The following LRRC4C variants were observed in gnomAD, a reference collection of about 807,000 sequenced individuals.
The protein encoded by LRRC4C is leucine rich repeat containing 4C.
In LRRC4C, 5 loss-of-function variants were observed where a neutral mutation model predicts 33.6. That is an observed-to-expected ratio of 0.15 (90% CI 0.08 to 0.31). LRRC4C has a LOEUF of 0.31. Among genes scored for constraint, LRRC4C ranks in the 10% least tolerant of loss-of-function variants. The pLI is 1.00. For synonymous variants in LRRC4C, 329 were observed against 302.0 expected, an observed-to-expected ratio of 1.09 and a Z score of -0.93; for missense variants, 560 against 796.7, an observed-to-expected ratio of 0.70 and a Z score of 3.58.
At position 40,478,409 on chromosome 11, in the gene LRRC4C, A is replaced by C. The variant is rs566612515; in HGVS notation, c.-269-158688T>G. 2.0e-5 allele frequency among the ~76,000 whole-genome samples: 3 copies of C among 152,316 alleles called. No homozygotes were observed. The East Asian group carries it at 5.8e-4, about 29-fold the overall frequency. On this transcript the variant is annotated intron_variant, in intron 3 of 6. Coordinates refer to ENST00000528697, the MANE Select transcript of LRRC4C (RefSeq NM_001258419.2). ...CATGCAGGGTGGTTTAGGAAGCTCC[A>C]GTCCATGCTATGGTTTCCTTAGCTT...
At chr11:40,213,448 T>C (rs1300741046) in intron 5 of LRRC4C, among the ~76,000 whole-genome samples, 1 of 152,072 alleles carries the variant, frequency 6.6e-6, no homozygotes, top group Non-Finnish European at 1.5e-5. Flanking sequence ...AACAGCAGAT[T>C]GGAGTCAAGA....
intron 2 of LRRC4C, among the ~76,000 whole-genome samples, chr11:40,689,965 C>T (rs572400322): frequency 2.6e-5 from 4 of 152,208 alleles, no homozygotes; most frequent in Non-Finnish European, 5.9e-5. Flanking sequence ...CTTATTCTTT[C>T]ATGCGTTCAT....
chr11:41,327,040 G>A (rs2958849), intron 1 of LRRC4C, among the ~76,000 whole-genome samples: 146,428 of 152,246 alleles, frequency 0.96, 70,566 homozygotes, highest in Middle Eastern at 1. Flanking sequence ...GTAACTATTT[G>A]TGAGCCTCAG....
chr11:40,182,154 A>T (rs1861057606), intron 5 of LRRC4C, among the ~76,000 whole-genome samples: 1 of 152,210 alleles, frequency 6.6e-6, no homozygotes, highest in South Asian at 2.1e-4. Flanking sequence ...TAATAACAAC[A>T]ATAATAATTA....
intron 1 of LRRC4C, among the ~76,000 whole-genome samples, chr11:41,451,050 A>G (rs1956004270): frequency 6.6e-6 from 1 of 152,154 alleles, no homozygotes; most frequent in Non-Finnish European, 1.5e-5. Context: ...AATGTCAACA[A>G]TAATATAGGA....
intron 3 of LRRC4C, among the ~76,000 whole-genome samples, chr11:40,479,315 C>G (rs775833148): frequency 6.6e-6 from 1 of 152,038 alleles, no homozygotes; most frequent in Non-Finnish European, 1.5e-5. Flanking sequence ...TTCAAGTAAC[C>G]TTCAAAAAGG....
At chr11:40,665,346 A>ATG (rs1565615153) in intron 2 of LRRC4C, among the ~76,000 whole-genome samples, 8 of 21,484 alleles carry the variant, frequency 3.7e-4, no homozygotes, top group Non-Finnish European at 9.6e-5. Context: ...ATATATATAT[A>ATG]TATATATATA....
intron 1 of LRRC4C, among the ~76,000 whole-genome samples, chr11:41,284,613 C>T (rs1949766944): frequency 1.3e-5 from 2 of 152,180 alleles, no homozygotes; most frequent in South Asian, 4.1e-4. Context: ...AGGCACTTGT[C>T]CCCAGCAGCC....
At chr11:40,244,706 G>A (rs1866190346) in intron 4 of LRRC4C, among the ~76,000 whole-genome samples, 1 of 151,258 alleles carries the variant, frequency 6.6e-6, no homozygotes, top group South Asian at 2.1e-4. Flanking sequence ...TTTTTGAGTT[G>A]ATTTTCAGCA....
At chr11:40,549,307 C>T (rs1957046497) in intron 3 of LRRC4C, among the ~76,000 whole-genome samples, 1 of 152,140 alleles carries the variant, frequency 6.6e-6, no homozygotes, top group African/African-American at 2.4e-5. Flanking sequence ...ATTCTCATGT[C>T]AACTGCAATG....
chr11:41,268,795 A>C (rs1949231336), intron 1 of LRRC4C, among the ~76,000 whole-genome samples: 1 of 152,092 alleles, frequency 6.6e-6, no homozygotes, highest in Admixed American at 6.6e-5. Flanking sequence ...GGTAGTAAAC[A>C]GATCTCTCTG....
chr11:40,416,024 G>A (rs2137686509), intron 3 of LRRC4C, among the ~76,000 whole-genome samples: 1 of 152,154 alleles, frequency 6.6e-6, no homozygotes, highest in Non-Finnish European at 1.5e-5. Flanking sequence ...TAAAATCCAT[G>A]TTTATAATTT....
intron 3 of LRRC4C, among the ~76,000 whole-genome samples, chr11:40,512,531 T>C (rs182164155): frequency 2.0e-4 from 31 of 152,294 alleles, no homozygotes; most frequent in African/African-American, 7.5e-4. Flanking sequence ...TATGTAGATA[T>C]CATCAGATGG....
intron 5 of LRRC4C, among the ~76,000 whole-genome samples, chr11:40,197,574 A>G (rs1254790434): frequency 6.6e-6 from 1 of 152,190 alleles, no homozygotes; most frequent in Non-Finnish European, 1.5e-5. Flanking sequence ...GCTAATTTTG[A>G]GTCACACAAA....
At chr11:40,287,945 T>C (rs1943953584) in intron 4 of LRRC4C, among the ~76,000 whole-genome samples, 1 of 152,200 alleles carries the variant, frequency 6.6e-6, no homozygotes, top group South Asian at 2.1e-4. Context: ...CAATGTGAAC[T>C]TAGAGTAACA....
intron 1 of LRRC4C, among the ~76,000 whole-genome samples, chr11:41,004,461 C>T (rs1854594046): frequency 6.6e-6 from 1 of 152,152 alleles, no homozygotes; most frequent in Admixed American, 6.5e-5. Context: ...AAAATTTCTA[C>T]AAAAATGCAT....
intron 4 of LRRC4C, among the ~76,000 whole-genome samples, chr11:40,272,693 C>A (rs899429316): frequency 1.3e-5 from 2 of 151,974 alleles, no homozygotes; most frequent in Non-Finnish European, 2.9e-5. Flanking sequence ...GTTGCTAGTG[C>A]GAAATGATAA....
At chr11:40,131,013 T>G (rs1293336865) in intron 6 of LRRC4C, among the ~76,000 whole-genome samples, 3 of 152,174 alleles carry the variant, frequency 2.0e-5, no homozygotes, top group Non-Finnish European at 2.9e-5. Flanking sequence ...ACTATAACAC[T>G]TACCAAATCC....
At chr11:40,967,347 A>T (rs1048426462) in intron 1 of LRRC4C, among the ~76,000 whole-genome samples, 4 of 152,016 alleles carry the variant, frequency 2.6e-5, no homozygotes, top group African/African-American at 9.7e-5. Context: ...AAGCATAAAC[A>T]CTTCCCCAAA....
Sources: allele counts gnomAD v4.1 joint callset (sites outside exome capture counted in the v4.1 genomes callset), GRCh38; gene constraint gnomAD v4.1.1; transcripts MANE v1.5; gene names NCBI Gene and HGNC (gene_info 2026-07-23, HGNC 2026-07-21).